Variants in FBXL20 observed in about 807,000 individuals in gnomAD.
FBXL20 encodes the protein F-box/LRR-repeat protein 20.
Under a neutral mutation model 64.0 loss-of-function variants are expected in FBXL20, and 11 were observed. That is an observed-to-expected ratio of 0.17 (90% confidence interval 0.11 to 0.28). The LOEUF (loss-of-function observed/expected upper bound fraction) is 0.28. Ranked by LOEUF, FBXL20 falls within the 10% of genes least tolerant of loss-of-function variation. The probability of loss-of-function intolerance (pLI) is 1.00; values close to 1 mark genes in which losing one functional copy is unlikely to be tolerated. For missense variants in FBXL20, 303 were observed against 526.2 expected (o/e 0.58, Z 4.15); for synonymous variants, 184 against 189.0 (o/e 0.97, Z 0.22).
At position 39,297,490 on chromosome 17, in the gene FBXL20, T is replaced by C. The variant is rs1318853739; in HGVS notation, c.330-295A>G. ...TGATTACTTTTGCACCAACCTAATA[T>C]AATATTTGGTCTTCAATTATGTCTA... On this transcript the variant is annotated intron_variant, in intron 5 of 14. Transcript: ENST00000264658. The C allele has an allele frequency of 2.7e-5, 5 of 181,980 alleles. No individual in the cohort carries two copies. The East Asian group carries it at 4.0e-4, about 15-fold the overall frequency. 11.3% of individuals were successfully genotyped at this position (181,980 alleles called of 1,614,324 possible). A position where few individuals can be genotyped will look rare whatever the true frequency, so the allele number is the denominator to read the frequency against.
At chr17:39,366,422 C>G (rs1197530487) in intron 1 of FBXL20, among the ~76,000 whole-genome samples, 1 of 152,156 alleles carries the variant, frequency 6.6e-6, no homozygotes, top group African/African-American at 2.4e-5. Context: ...TTCCTACACT[C>G]TAAGAAATTC....
rs964762031 is a variant in FBXL20 at position 39,255,031 on chromosome 17, A to T, written c.*6429T>A. 2.6e-5 allele frequency: 4 copies of T among 152,328 alleles called. No individual in the cohort carries two copies. Among genetic ancestry groups the T allele is most frequent in the African/African-American group, 7.2e-5 (3 of 41,442 alleles). 9.4% of individuals were successfully genotyped at this position (152,328 alleles called of 1,614,324 possible). A position where few individuals can be genotyped will look rare whatever the true frequency, so the allele number is the denominator to read the frequency against. ...CTTGCCCTAATTCTTTTTCTCCTGAAAATTAACTCTCTTGGGCTCCAAAGA... is the reference window on the plus strand; with the variant it reads ...CTTGCCCTAATTCTTTTTCTCCTGATAATTAACTCTCTTGGGCTCCAAAGA... On this transcript the variant is annotated 3_prime_UTR_variant, in exon 15 of 15. Coordinates refer to ENST00000264658, the MANE Select transcript of FBXL20 (RefSeq NM_032875.3).
rs2048244933 is a variant in FBXL20 at position 39,401,538 on chromosome 17, A to G, written c.-136T>C. On this transcript the variant is annotated 5_prime_UTR_variant, in exon 1 of 15. Coordinates refer to ENST00000264658, the MANE Select transcript of FBXL20 (RefSeq NM_032875.3). ...GACGCCGGGACCGTGGGACGGGAAC[A>G]AGAGACCTCTCGGCTCCGGCTAGGC... 8 of 1,441,378 alleles carry G rather than the reference A, an allele frequency of 5.6e-6. No homozygotes were observed. In the South Asian group the frequency reaches 1.2e-4, roughly 21 times the overall value. 89.3% of individuals were successfully genotyped at this position (1,441,378 alleles called of 1,614,324 possible). A position where few individuals can be genotyped will look rare whatever the true frequency, so the allele number is the denominator to read the frequency against.
chr17:39,386,293 C>G (rs897985723), intron 1 of FBXL20, among the ~76,000 whole-genome samples: 2 of 149,036 alleles, frequency 1.3e-5, no homozygotes, highest in Admixed American at 1.3e-4. Context: ...GGTGACAGAG[C>G]AAGACTCTGT....
At chr17:39,377,057 C>CAAT (rs900675542) in intron 1 of FBXL20, among the ~76,000 whole-genome samples, 1 of 152,122 alleles carries the variant, frequency 6.6e-6, no homozygotes, top group African/African-American at 2.4e-5. Flanking sequence ...TGCCTGGGGA[C>CAAT]TAGATTGCCT....
chr17:39,284,243 T>G (rs922726952), intron 7 of FBXL20, among the ~76,000 whole-genome samples: 11 of 152,218 alleles, frequency 7.2e-5, no homozygotes, highest in Non-Finnish European at 1.3e-4. Flanking sequence ...TGTGAAAATA[T>G]TTTATAAATG....
intron 2 of FBXL20, among the ~76,000 whole-genome samples, chr17:39,305,879 C>T (rs111810230): frequency 2.6e-5 from 4 of 151,648 alleles, no homozygotes; most frequent in African/African-American, 7.2e-5. Context: ...CCCAGCTACT[C>T]GGGAGGCTGA....
At chr17:39,301,703 G>C (rs780885401) in intron 3 of FBXL20, among the ~76,000 whole-genome samples, 1 of 151,324 alleles carries the variant, frequency 6.6e-6, no homozygotes, top group Non-Finnish European at 1.5e-5. Context: ...ACTCCAGCCT[G>C]GGCGACAGAG....
At position 39,343,209 on chromosome 17, in the gene FBXL20, A is replaced by G. The variant is rs1206888098; in HGVS notation, c.75T>C (p.Asn25=). 6.2e-7 allele frequency: 1 copy of G among 1,604,768 alleles called. No homozygotes were observed. The highest frequency in any genetic ancestry group is 1.3e-5 in the African/African-American group (1 of 74,548). Residue 25 remains asparagine, a synonymous_variant, in exon 2 of 15, where the codon AAT becomes AAC. Transcript: ENST00000264658. ...ACAGGAGTTCTTTGGGAAGTTTTTT[A>G]TTGATTACAGCTTCATCACTATTTG... is the stretch of plus-strand genomic sequence containing the variant. ...MFSNSDEAVI[N]KKLPKELLLR...
intron 1 of FBXL20, among the ~76,000 whole-genome samples, chr17:39,400,701 GA>G (rs1235973879): frequency 1.3e-5 from 2 of 152,174 alleles, no homozygotes; most frequent in African/African-American, 4.8e-5. Context: ...AAAAGTTCCT[GA>G]AAGACAGACC....
At chr17:39,308,868 A>G (rs1183287649) in intron 2 of FBXL20, among the ~76,000 whole-genome samples, 1 of 152,034 alleles carries the variant, frequency 6.6e-6, no homozygotes, top group Admixed American at 6.6e-5. Flanking sequence ...CCTGGCCTAC[A>G]ATAAAAAATT....
chr17:39,378,864 G>C (rs2047995654), intron 1 of FBXL20, among the ~76,000 whole-genome samples: 1 of 151,294 alleles, frequency 6.6e-6, no homozygotes, highest in Non-Finnish European at 1.5e-5. Context: ...GCCTGCCTCG[G>C]CCTCTCAAAG....
At chr17:39,354,090 G>T (rs930373482) in intron 1 of FBXL20, among the ~76,000 whole-genome samples, 2 of 152,032 alleles carry the variant, frequency 1.3e-5, no homozygotes, top group African/African-American at 4.8e-5. Context: ...AATTTTAAAG[G>T]TACAAGTATT....
intron 1 of FBXL20, among the ~76,000 whole-genome samples, chr17:39,355,270 AATC>A (rs1450260563): frequency 6.6e-6 from 1 of 151,770 alleles, no homozygotes; most frequent in African/African-American, 2.4e-5. Context: ...CCACGCCTGT[AATC>A]CCAGCACTTT....
At chr17:39,289,141 T>G (rs921845046) in intron 6 of FBXL20, among the ~76,000 whole-genome samples, 2 of 152,194 alleles carry the variant, frequency 1.3e-5, no homozygotes, top group African/African-American at 4.8e-5. Flanking sequence ...ACCAGCACAT[T>G]GCCCTGATGA....
At chr17:39,297,044 TAG>T (rs1303773733) in intron 6 of FBXL20, 81 bp downstream of exon 6, 4 of 860,132 alleles carry the variant, frequency 4.7e-6, no homozygotes, top group Non-Finnish European at 5.3e-6. Context: ...ATTTGCTCAA[TAG>T]AGTTAATGGC....
intron 3 of FBXL20, 98 bp downstream of exon 3, chr17:39,303,485 CAT>C: frequency 4.1e-6 from 4 of 983,398 alleles, no homozygotes; most frequent in Non-Finnish European, 5.9e-6. Flanking sequence ...AACATGAAAA[CAT>C]ACAAGTAACA....
At chr17:39,280,471 G>A (rs1450693321) in intron 9 of FBXL20, among the ~76,000 whole-genome samples, 1 of 151,748 alleles carries the variant, frequency 6.6e-6, no homozygotes, top group Non-Finnish European at 1.5e-5. Flanking sequence ...GCTGAGGCAG[G>A]AGAATCGCTT....
At chr17:39,311,966 C>T (rs915749426) in intron 2 of FBXL20, among the ~76,000 whole-genome samples, 10 of 152,280 alleles carry the variant, frequency 6.6e-5, no homozygotes, top group African/African-American at 1.9e-4. Flanking sequence ...ATTAAACACA[C>T]ATCTCAACAA....
Sources: gnomAD v4.1 joint callset for allele counts (sites outside exome capture counted in the v4.1 genomes callset) on GRCh38, gnomAD v4.1.1 for gene constraint, MANE v1.5 for transcripts, NCBI Gene and HGNC (gene_info 2026-07-23, HGNC 2026-07-21) for gene names.